Variants in PCDH9 observed in about 807,000 individuals in gnomAD.
The protein encoded by PCDH9 is protocadherin 9, also known as protocadherin-9.
Under a neutral mutation model 70.6 loss-of-function variants are expected in PCDH9, and 24 were observed. The observed-to-expected ratio is 0.34, with a 90% CI of 0.25 to 0.48. The LOEUF is 0.48. PCDH9 is among the 20% of genes least tolerant of loss of function. The pLI is 0.99. For missense variants in PCDH9, 1,281 were observed against 1,503.6 expected (o/e 0.85, Z 2.45); for synonymous variants, 562 against 558.5 (o/e 1.01, Z -0.09).
At chr13:66,441,488 TTAAA>T (rs1204484211) in intron 4 of PCDH9, among the ~76,000 whole-genome samples, 1 of 152,188 alleles carries the variant, frequency 6.6e-6, no homozygotes, top group Non-Finnish European at 1.5e-5. Flanking sequence ...AAGATAAGTA[TTAAA>T]TAAATTCTGT....
chr13:67,067,386 T>A (rs1034614071), intron 2 of PCDH9, among the ~76,000 whole-genome samples: 2 of 152,166 alleles, frequency 1.3e-5, no homozygotes, highest in African/African-American at 4.8e-5. Flanking sequence ...ATATGTAATC[T>A]ATATAACATA....
intron 2 of PCDH9, among the ~76,000 whole-genome samples, chr13:67,111,251 C>A (rs2086653146): frequency 6.6e-6 from 1 of 152,150 alleles, no homozygotes; most frequent in African/African-American, 2.4e-5. Context: ...CAAAATGAGA[C>A]AAGTAATGAG....
chr13:67,131,994 C>G (rs1185713576), intron 2 of PCDH9, among the ~76,000 whole-genome samples: 1 of 152,146 alleles, frequency 6.6e-6, no homozygotes, highest in Non-Finnish European at 1.5e-5. Context: ...CTTCACCAAG[C>G]CAGTCAAATG....
intron 2 of PCDH9, among the ~76,000 whole-genome samples, chr13:67,077,059 T>G (rs2085891698): frequency 6.6e-6 from 1 of 152,166 alleles, no homozygotes; most frequent in African/African-American, 2.4e-5. Flanking sequence ...TCATCTATGG[T>G]CTCTTCTCAA....
At chr13:67,225,373 G>A (rs2089830572) in intron 2 of PCDH9, 32 bp downstream of exon 2, 2 of 1,598,088 alleles carry the variant, frequency 1.3e-6, no homozygotes, top group Non-Finnish European at 1.7e-6. Flanking sequence ...CTTGTATGCA[G>A]TACTTATAGA....
At chr13:67,205,644 T>G (rs531562851) in intron 2 of PCDH9, 48 of 152,314 alleles carry the variant, frequency 3.2e-4, no homozygotes, top group African/African-American at 1.2e-3. Context: ...ATCATCCATA[T>G]GCACTACACA....
At chr13:67,174,691 C>T (rs549674535) in intron 2 of PCDH9, among the ~76,000 whole-genome samples, 14 of 151,992 alleles carry the variant, frequency 9.2e-5, no homozygotes, top group Non-Finnish European at 1.8e-4. Context: ...TTATAAAGAA[C>T]CAAAGCCTCT....
intron 2 of PCDH9, among the ~76,000 whole-genome samples, chr13:67,135,240 A>G (rs1446544800): frequency 6.6e-6 from 1 of 152,018 alleles, no homozygotes; most frequent in Non-Finnish European, 1.5e-5. Context: ...TATTAACAAT[A>G]TTTTCTAGTT....
chr13:67,216,372 T>C (rs1316958175), intron 2 of PCDH9: 2 of 152,010 alleles, frequency 1.3e-5, no homozygotes, highest in East Asian at 3.9e-4. Flanking sequence ...TACTATGGTG[T>C]AATACAATTT....
rs190262073 is a variant in PCDH9 at position 66,322,566 on chromosome 13, G to A, written c.3341-17538C>T. ...ACCATCTGCTTCCTTCATATCATTAGAGAATCAGGCACAGGCCACATTGCC... is the reference window on the plus strand; with the variant it reads ...ACCATCTGCTTCCTTCATATCATTAAAGAATCAGGCACAGGCCACATTGCC... On this transcript the variant is annotated intron_variant, in intron 4 of 4. Coordinates refer to ENST00000377865, the MANE Select transcript of PCDH9 (RefSeq NM_203487.3). Among the ~76,000 whole-genome samples the A allele has an allele frequency of 7.0e-4, 107 of 152,128 alleles. 1 individual carries two copies. Among genetic ancestry groups the A allele is most frequent in the African/African-American group, 2.5e-3 (102 of 41,450 alleles).
At chr13:66,575,135 T>C (rs952323863) in intron 4 of PCDH9, among the ~76,000 whole-genome samples, 2 of 152,132 alleles carry the variant, frequency 1.3e-5, no homozygotes, top group Admixed American at 1.3e-4. Context: ...ATCTCACCAT[T>C]GCACTCCAGC....
chr13:66,332,780 A>C (rs1349456896), intron 4 of PCDH9, among the ~76,000 whole-genome samples: 1 of 151,790 alleles, frequency 6.6e-6, no homozygotes, highest in African/African-American at 2.4e-5. Flanking sequence ...TAGAAAAATC[A>C]CACTGTTTAG....
intron 3 of PCDH9, among the ~76,000 whole-genome samples, chr13:66,713,621 G>GTATATATATATATATA (rs1415001060): frequency 3.0e-4 from 5 of 16,884 alleles, no homozygotes; most frequent in African/African-American, 6.3e-4. Context: ...AAGTGTGTGT[G>GTATATATATATATATA]TGTGTATATA....
intron 3 of PCDH9, among the ~76,000 whole-genome samples, chr13:66,886,343 G>A (rs762119439): frequency 5.9e-5 from 9 of 152,042 alleles, no homozygotes; most frequent in Non-Finnish European, 8.8e-5. Context: ...CCAACCTCCC[G>A]CGCAAAACAA....
At chr13:67,193,851 G>T (rs1237899075) in intron 2 of PCDH9, among the ~76,000 whole-genome samples, 1 of 152,126 alleles carries the variant, frequency 6.6e-6, no homozygotes, top group African/African-American at 2.4e-5. Flanking sequence ...CTATGGAAGT[G>T]AAACCAGTTT....
intron 2 of PCDH9, among the ~76,000 whole-genome samples, chr13:67,009,004 C>T (rs2084404435): frequency 6.6e-6 from 1 of 152,020 alleles, no homozygotes; most frequent in South Asian, 2.1e-4. Flanking sequence ...TCCTACTTTT[C>T]TAAAACAAAA....
At chr13:66,375,019 G>A (rs1400439222) in intron 4 of PCDH9, among the ~76,000 whole-genome samples, 1 of 152,024 alleles carries the variant, frequency 6.6e-6, no homozygotes, top group African/African-American at 2.4e-5. Flanking sequence ...AACTCAGGAA[G>A]ATTTAAAGGC....
At chr13:66,480,604 A>G (rs1235095894) in intron 4 of PCDH9, among the ~76,000 whole-genome samples, 1 of 152,246 alleles carries the variant, frequency 6.6e-6, no homozygotes, top group Non-Finnish European at 1.5e-5. Flanking sequence ...TCAAAACCAC[A>G]ATGAGATACC....
At chr13:66,913,978 G>T (rs946366724) in intron 2 of PCDH9, among the ~76,000 whole-genome samples, 2 of 151,822 alleles carry the variant, frequency 1.3e-5, no homozygotes, top group Non-Finnish European at 2.9e-5. Context: ...TCCAGAAAAA[G>T]AATTGGTGCT....
Sources: allele counts gnomAD v4.1 joint callset (sites outside exome capture counted in the v4.1 genomes callset), GRCh38; gene constraint gnomAD v4.1.1; transcripts MANE v1.5; gene names NCBI Gene and HGNC (gene_info 2026-07-23, HGNC 2026-07-21).